KIDINS220: variants seen among roughly 807,000 people sequenced by gnomAD.
KIDINS220 encodes kinase D interacting substrate 220.
A neutral mutation model predicts 157.6 loss-of-function variants in KIDINS220; 63 were observed. The ratio of observed to expected loss-of-function variants is 0.40; its 90% CI spans 0.33 to 0.49. The LOEUF is 0.49. KIDINS220 is among the 20% of genes least tolerant of loss of function. The pLI is 0.66. For synonymous variants in KIDINS220, 732 were observed against 783.6 expected, an observed-to-expected ratio of 0.93 and a Z score of 1.10; for missense variants, 1,772 against 2,171.2, an observed-to-expected ratio of 0.82 and a Z score of 3.65.
chr2:8,792,101 CA>C (rs974396522), intron 12 of KIDINS220, among the ~76,000 whole-genome samples: 20 of 151,972 alleles, frequency 1.3e-4, no homozygotes, highest in South Asian at 2.1e-4. Context: ...ATAGCCTCAA[CA>C]AAATTTTCTG....
rs766567862 is a variant in KIDINS220, at chr2:8,734,724, C to T, written c.3747G>A (p.Gln1249=). 2.9e-5 allele frequency: 47 copies of T among 1,613,140 alleles called. No homozygotes were observed. In the African/African-American group the frequency reaches 5.6e-4, roughly 19 times the overall value. The change falls in exon 28 of 30, where the codon CAG becomes CAA. Residue 1249 remains glutamine, a synonymous_variant. Coordinates refer to ENST00000256707, the MANE Select transcript of KIDINS220 (RefSeq NM_020738.4). ...CTTTCTTCAGCTCATCAATGTTACA[C>T]TGAGCTAACACACGGCCATTTATGT... ...KANINGRVLA[Q]CNIDELKKEM...
At chr2:8,816,320 G>A (rs553562290) in intron 4 of KIDINS220, among the ~76,000 whole-genome samples, 2 of 152,260 alleles carry the variant, frequency 1.3e-5, no homozygotes, top group South Asian at 4.1e-4. Flanking sequence ...GGGAGACCTG[G>A]TTCAAAACCC....
intron 4 of KIDINS220, among the ~76,000 whole-genome samples, chr2:8,814,371 T>C (rs1335178120): frequency 6.6e-6 from 1 of 152,226 alleles, no homozygotes; most frequent in Non-Finnish European, 1.5e-5. Flanking sequence ...ACTTGAGCAG[T>C]AATATTAGTA....
intron 22 of KIDINS220, among the ~76,000 whole-genome samples, chr2:8,763,271 G>A (rs1669015814): frequency 6.6e-6 from 1 of 152,152 alleles, no homozygotes; most frequent in South Asian, 2.1e-4. Flanking sequence ...TGCCTCTTAG[G>A]GTTAGAAGTA....
intron 22 of KIDINS220, among the ~76,000 whole-genome samples, chr2:8,755,096 C>G (rs1667847561): frequency 6.6e-6 from 1 of 152,222 alleles, no homozygotes; most frequent in African/African-American, 2.4e-5. Context: ...CTTGGCATTG[C>G]AGCCAAAAAG....
intron 7 of KIDINS220, among the ~76,000 whole-genome samples, chr2:8,805,637 A>G (rs1675339734): frequency 6.6e-6 from 1 of 152,206 alleles, no homozygotes; most frequent in South Asian, 2.1e-4. Flanking sequence ...TTATAGGAGC[A>G]GTCAGCCAGG....
At chr2:8,807,290 C>T (rs1675590829) in intron 6 of KIDINS220, among the ~76,000 whole-genome samples, 1 of 152,174 alleles carries the variant, frequency 6.6e-6, no homozygotes. Context: ...AGCCACATTG[C>T]CTGCCTCTGG....
chr2:8,740,120 G>A, intron 26 of KIDINS220: 1 of 951,560 alleles, frequency 1.1e-6, no homozygotes, highest in Non-Finnish European at 1.3e-6. Flanking sequence ...AGTCTAATAA[G>A]AAAAGTAAGA....
At chr2:8,788,473 T>C (rs1025206040) in intron 15 of KIDINS220, among the ~76,000 whole-genome samples, 174 bp downstream of exon 15, 1 of 152,174 alleles carries the variant, frequency 6.6e-6, no homozygotes, top group Non-Finnish European at 1.5e-5. Flanking sequence ...TTCACCATGT[T>C]GGCCAGGCTG....
chr2:8,786,408 T>C (rs1392562661), intron 15 of KIDINS220, 51 bp from the exon 16 acceptor site: 1 of 1,388,344 alleles, frequency 7.2e-7, no homozygotes, highest in Non-Finnish European at 1.0e-6. Flanking sequence ...AAGTAACAAA[T>C]AACTTCAATG....
intron 3 of KIDINS220, among the ~76,000 whole-genome samples, chr2:8,818,376 T>C (rs1404148760): frequency 6.6e-6 from 1 of 152,188 alleles, no homozygotes; most frequent in East Asian, 1.9e-4. Context: ...ATATTATTTA[T>C]AATAAGTTAC....
intron 22 of KIDINS220, among the ~76,000 whole-genome samples, chr2:8,753,725 T>C (rs1029227206): frequency 6.6e-6 from 1 of 152,234 alleles, no homozygotes; most frequent in Non-Finnish European, 1.5e-5. Flanking sequence ...GTAACAGTTA[T>C]ATCATTTCTT....
In KIDINS220 at chr2:8,788,744, A is replaced by G. The variant is rs181547901; in HGVS notation, c.1690T>C (p.Leu564=). 3.7e-5 allele frequency: 59 copies of G among 1,614,166 alleles called. No homozygotes were observed. The African/African-American group carries it at 5.1e-4, about 14-fold the overall frequency. Residue 564 remains leucine (L), a synonymous_variant, in exon 15 of 30, where the codon TTG becomes CTG. Coordinates refer to ENST00000256707, the MANE Select transcript of KIDINS220 (RefSeq NM_020738.4). ...TCCAAATATCCAATATGTCTTGCCA[A>G]TCTAGTGCTGAGGACCCAGGCCCAA... ...WNWAWVLSTR[L]ARHIGYLELL... is the part of the protein sequence containing the mutation.
rs1208602751 is a variant in KIDINS220 at position 8,803,000 on chromosome 2, G to C, written c.731C>G (p.Ser244Ter). The change falls in exon 8 of 30, where the codon TCA becomes TGA. Residue 244 changes from serine (S) to a stop codon, truncating the protein, a stop_gained. Transcript: ENST00000256707. LOFTEE classifies it high-confidence loss of function. ...KDGNTALMIA[S>*]KEGHTEIVQD... ...CACAATCTCCGTATGTCCCTCCTTTGATGCAATCATCAAAGCTGTATTTCC... is the reference window on the plus strand; with the variant it reads ...CACAATCTCCGTATGTCCCTCCTTTCATGCAATCATCAAAGCTGTATTTCC... 6.2e-7 allele frequency: 1 copy of C among 1,613,824 alleles called. No individual in the cohort carries two copies.
downstream of KIDINS220, among the ~76,000 whole-genome samples, chr2:8,726,255 C>CTA (rs1663302323): frequency 2.0e-5 from 3 of 152,100 alleles, no homozygotes; most frequent in Non-Finnish European, 4.4e-5. Context: ...CTACCCGGGC[C>CTA]CCACTCAAAA....
chr2:8,754,674 C>T (rs932231816), intron 22 of KIDINS220, among the ~76,000 whole-genome samples: 1 of 152,190 alleles, frequency 6.6e-6, no homozygotes, highest in African/African-American at 2.4e-5. Context: ...GTGGTTTATA[C>T]AAAGTCCATA....
chr2:8,731,216 G>A lies in KIDINS220; in HGVS notation c.4820C>T (p.Ser1607Phe), dbSNP rs534360965. The change falls in exon 30 of 30, where the codon TCC (serine) becomes TTC (phenylalanine). Residue 1607 changes from serine (S) to phenylalanine (F), a missense_variant. Transcript: ENST00000256707. The surrounding 1 kb of genome is among the most constrained non-coding windows in gnomAD (Gnocchi z 5.2). The stretch of plus-strand genomic sequence containing the variant: ...TATGAGATTTGCCTTTTCAAGCTGG[G>A]AGTCATCCGCCACTTCATTGTGCAG... The part of the protein sequence containing the change: ...HSLHNEVADD[S>F]QLEKANLIEL... 1.2e-6 allele frequency: 2 copies of A among 1,614,030 alleles called. No homozygotes were observed. The highest frequency in any genetic ancestry group is 1.7e-6 in the Non-Finnish European group (2 of 1,180,036).
At chr2:8,725,249 T>A (rs1663206899), downstream of KIDINS220, 2 of 152,218 alleles carry the variant, frequency 1.3e-5, no homozygotes, top group Admixed American at 1.3e-4. Flanking sequence ...CTTTAAAAAG[T>A]GCAAGTTGCA....
intron 4 of KIDINS220, among the ~76,000 whole-genome samples, chr2:8,815,250 A>AC (rs1676892572): frequency 6.6e-6 from 1 of 151,728 alleles, no homozygotes; most frequent in Non-Finnish European, 1.5e-5. Context: ...AAAATACAAA[A>AC]ATTAGCCAGC....
Sources: gnomAD v4.1 joint callset for allele counts (sites outside exome capture counted in the v4.1 genomes callset) on GRCh38, gnomAD v4.1.1 for gene constraint, Gnocchi (gnomAD v3.1) non-coding constraint, MANE v1.5 for transcripts, NCBI Gene and HGNC (gene_info 2026-07-23, HGNC 2026-07-21) for gene names.